The following FREM1 variants were observed in gnomAD, a reference collection of about 807,000 sequenced individuals.
The protein encoded by FREM1 is FRAS1-related extracellular matrix protein 1.
FREM1 carries 220 observed loss-of-function variants against 210.1 expected under a neutral mutation model. The observed-to-expected ratio is 1.05, with a 90% confidence interval of 0.94 to 1.17. The LOEUF (loss-of-function observed/expected upper bound fraction) is 1.17. FREM1 is among the 50% of genes most tolerant of loss of function. The pLI, the probability that FREM1 is intolerant of heterozygous loss-of-function variation, is 0.00. For synonymous variants in FREM1, 1,189 were observed against 980.2 expected (o/e 1.21, Z -3.98); for missense variants, 3,454 against 2,675.5 (o/e 1.29, Z -6.42).
At chr9:14,827,790 T>G (rs1822755356) in intron 10 of FREM1, among the ~76,000 whole-genome samples, 1 of 152,052 alleles carries the variant, frequency 6.6e-6, no homozygotes, top group African/African-American at 2.4e-5. Context: ...ACCTGTGGGG[T>G]CTCTGCCCAG....
At position 14,801,705 on chromosome 9, in the gene FREM1, G is replaced by C. The variant is rs780368681; in HGVS notation, c.3641C>G (p.Pro1214Arg). 3.7e-6 allele frequency: 6 copies of C among 1,613,882 alleles called. No homozygotes were observed. The East Asian group carries it at 6.7e-5, about 18-fold the overall frequency. ...DFSENKQPANPHQKHAPVHSF... is the reference protein window; with the variant it reads ...DFSENKQPANRHQKHAPVHSF... ...GTGAACAGGTGCATGTTTCTGGTGA[G>C]GGTTGGCTGGCTGCTTATTCTCAGA... is the stretch of plus-strand genomic sequence containing the variant. Residue 1214 changes from proline (P) to arginine (R), a missense_variant, in exon 20 of 37, where the codon CCT becomes CGT. Physicochemically the swap from Pro to Arg is moderately radical, Grantham distance 103. Coordinates refer to ENST00000380880, the MANE Select transcript of FREM1 (RefSeq NM_001379081.2).
chr9:14,754,343 A>C (rs973684998), intron 29 of FREM1, among the ~76,000 whole-genome samples: 1 of 152,226 alleles, frequency 6.6e-6, no homozygotes, highest in Non-Finnish European at 1.5e-5. Flanking sequence ...AATCTTTCCC[A>C]TATATAACAG....
Position 14,859,240 on chromosome 9 carries a change from C to T in FREM1, c.574G>A (p.Glu192Lys). 1 of 1,611,748 alleles carries T rather than the reference C, an allele frequency of 6.2e-7. No individual in the cohort carries two copies. The highest frequency in any genetic ancestry group is 8.5e-7 in the Non-Finnish European group (1 of 1,178,412). ...LPAHGQMVLG[E>K]PRPEEPRGDQ... ...CCACGAGGTTCTTCTGGTCGAGGCT[C>T]CCCGAGAACCATCTGGCCATGGGCT... Residue 192 changes from glutamate (E) to lysine (K), a missense_variant, in exon 4 of 37, where the codon GAG becomes AAG. By Grantham distance (56) the Glu-to-Lys change is moderately conservative (BLOSUM62 1). Coordinates refer to ENST00000380880, the MANE Select transcript of FREM1 (RefSeq NM_001379081.2).
At position 14,907,728 on chromosome 9, in the gene FREM1, G is replaced by A. The variant is rs1461689232; in HGVS notation, c.-268+2186C>T. Reference sequence around the variant, plus strand: ...TACATCTGAAAATTTTTGAAGAAAAGCAATTAGCGAAATCTTTAGGCCTAT... The same window carrying A: ...TACATCTGAAAATTTTTGAAGAAAAACAATTAGCGAAATCTTTAGGCCTAT... On this transcript the variant is annotated intron_variant, in intron 1 of 36. Coordinates refer to ENST00000380880, the MANE Select transcript of FREM1 (RefSeq NM_001379081.2). Among the ~76,000 whole-genome samples, 5 of 152,314 alleles carry A rather than the reference G, an allele frequency of 3.3e-5. No homozygotes were observed. The East Asian group carries it at 9.7e-4, about 29-fold the overall frequency.
At chr9:14,781,481 T>C (rs1029719490) in intron 24 of FREM1, among the ~76,000 whole-genome samples, 13 of 152,222 alleles carry the variant, frequency 8.5e-5, no homozygotes, top group Non-Finnish European at 1.9e-4. Context: ...AATTTTTAAC[T>C]TGAATCAATG....
intron 20 of FREM1, among the ~76,000 whole-genome samples, chr9:14,799,730 T>C (rs867895247): frequency 3.9e-5 from 6 of 152,192 alleles, no homozygotes; most frequent in Non-Finnish European, 8.8e-5. Context: ...TATCATCATT[T>C]ATGTCCTAGA....
At chr9:14,750,312 G>T in intron 29 of FREM1, 36 bp from the exon 30 acceptor site, 1 of 1,529,224 alleles carries the variant, frequency 6.5e-7, no homozygotes, top group Non-Finnish European at 9.0e-7. Flanking sequence ...CTCTTTAATT[G>T]CTATTTCAAT....
rs1321450067 is a variant in FREM1, at chr9:14,842,303, G to T, written c.1738+13C>A. ...GAATTCCATTCAAATGATCTTAACTGCCCAGAACTTACCTATCAGTCCTGG... is the reference window on the plus strand; with the variant it reads ...GAATTCCATTCAAATGATCTTAACTTCCCAGAACTTACCTATCAGTCCTGG... On this transcript the variant is annotated intron_variant, in intron 9 of 36. Transcript: ENST00000380880. The T allele has an allele frequency of 8.0e-6, 12 of 1,494,344 alleles. No individual in the cohort carries two copies. The highest frequency in any genetic ancestry group is 3.9e-5 in the Admixed American group (2 of 51,614). The allele number at this position is 1,494,344 out of a possible 1,614,324, so 92.6% of individuals were successfully genotyped here. A position where few individuals can be genotyped will look rare whatever the true frequency, so the allele number is the denominator to read the frequency against.
At chr9:14,860,862 C>T (rs866601386) in intron 3 of FREM1, among the ~76,000 whole-genome samples, 1 of 50,150 alleles carries the variant, frequency 2.0e-5, no homozygotes, top group African/African-American at 1.9e-4. Context: ...CGTATATATA[C>T]ACATATATAT....
At chr9:14,739,455 T>TATATATATATATATAATTC (rs1321204676) in intron 36 of FREM1, among the ~76,000 whole-genome samples, 42 of 22,514 alleles carry the variant, frequency 1.9e-3, no homozygotes, top group Non-Finnish European at 3.3e-3. Context: ...TTGGAATATA[T>TATATATATATATATAATTC]ATATATATAT....
chr9:14,794,211 G>A (rs1041527908), intron 21 of FREM1, among the ~76,000 whole-genome samples: 1 of 152,178 alleles, frequency 6.6e-6, no homozygotes, highest in African/African-American at 2.4e-5. Context: ...CCAGGAGGCA[G>A]GAGAGAGGGA....
At chr9:14,885,986 C>A (rs1376155085) in intron 1 of FREM1, among the ~76,000 whole-genome samples, 1 of 152,144 alleles carries the variant, frequency 6.6e-6, no homozygotes. Context: ...ATCAGCACCT[C>A]CCCAGTCCTC....
intron 1 of FREM1, among the ~76,000 whole-genome samples, chr9:14,880,040 C>T (rs1216351690): frequency 6.6e-6 from 1 of 151,972 alleles, no homozygotes; most frequent in Non-Finnish European, 1.5e-5. Context: ...TACATAAGGT[C>T]ATGAGGGTAG....
chr9:14,834,495 CA>C (rs1256161062), intron 10 of FREM1, among the ~76,000 whole-genome samples: 6 of 152,108 alleles, frequency 3.9e-5, no homozygotes, highest in Non-Finnish European at 7.4e-5. Flanking sequence ...TTCACTTGAA[CA>C]AATAAACTAA....
chr9:14,746,935 A>G lies in FREM1; in HGVS notation c.6126T>C (p.Ser2042=). ...QCNGIAWKAW[S]PQTKDVEDKS... ...GCCTGCCTCCTACCTTGGTTTGGGG[A>G]CTCCAGGCTTTCCAGGCGATCCCAT... The change falls in exon 34 of 37, where the codon AGT becomes AGC. Residue 2042 remains serine (S), a synonymous_variant. Coordinates refer to ENST00000380880, the MANE Select transcript of FREM1 (RefSeq NM_001379081.2). 6.2e-7 allele frequency: 1 copy of G among 1,612,818 alleles called. No homozygotes were observed. Among genetic ancestry groups the G allele is most frequent in the Non-Finnish European group, 8.5e-7 (1 of 1,179,668 alleles).
intron 10 of FREM1, among the ~76,000 whole-genome samples, chr9:14,835,228 A>G (rs1824333129): frequency 6.6e-6 from 1 of 152,254 alleles, no homozygotes. Flanking sequence ...CTTATTTTAA[A>G]CTATTTACAG....
chr9:14,796,623 C>A (rs13283873), intron 21 of FREM1, among the ~76,000 whole-genome samples: 3,807 of 152,264 alleles, frequency 0.025, 64 homozygotes, highest in Middle Eastern at 0.065. Context: ...ATAATTGAAT[C>A]GTGGGGCAGT....
At chr9:14,850,185 T>G (rs188736601) in intron 6 of FREM1, among the ~76,000 whole-genome samples, 13 of 152,290 alleles carry the variant, frequency 8.5e-5, no homozygotes, top group Non-Finnish European at 1.6e-4. Flanking sequence ...TGTGGAAGAC[T>G]TTAACCAGCT....
chr9:14,757,510 G>A (rs1844632938), intron 28 of FREM1, among the ~76,000 whole-genome samples: 1 of 152,118 alleles, frequency 6.6e-6, no homozygotes, highest in South Asian at 2.1e-4. Context: ...AGCCGAGATG[G>A]TGCCATTGCA....
Sources: gnomAD v4.1 joint callset for allele counts (sites outside exome capture counted in the v4.1 genomes callset) on GRCh38, gnomAD v4.1.1 for gene constraint, MANE v1.5 for transcripts, NCBI Gene and HGNC (gene_info 2026-07-23, HGNC 2026-07-21) for gene names.